Variants in SH3D19 observed in about 807,000 individuals in gnomAD.
SH3D19 encodes the protein SH3 domain-containing protein 19.
SH3D19 carries 58 observed loss-of-function variants against 112.1 expected under a neutral mutation model. The observed-to-expected ratio is 0.52, with a 90% CI of 0.42 to 0.64. SH3D19 has a LOEUF of 0.64. Ranked by LOEUF, SH3D19 falls within the 30% of genes least tolerant of loss-of-function variation. The pLI, the probability that SH3D19 is intolerant of heterozygous loss-of-function variation, is 0.00. For synonymous variants in SH3D19, 391 were observed against 448.5 expected (o/e 0.87, Z 1.62); for missense variants, 1,090 against 1,263.4 (o/e 0.86, Z 2.08).
intron 9 of SH3D19, among the ~76,000 whole-genome samples, chr4:151,157,634 C>T (rs1041885948): frequency 1.5e-4 from 23 of 152,160 alleles, no homozygotes; most frequent in Non-Finnish European, 1.8e-4. Flanking sequence ...GACATCTGCA[C>T]ATCCATGTTT....
In SH3D19 at chr4:151,277,437, C is replaced by T. The variant is rs773193067; in HGVS notation, c.112+47804G>A. Among the ~76,000 whole-genome samples the T allele has an allele frequency of 3.2e-4, 49 of 152,210 alleles. 1 individual carries two copies. Among genetic ancestry groups the T allele is most frequent in the Middle Eastern group, 3.4e-3 (1 of 294 alleles). ...CACACACCCACAAGATCCCTATCTT[C>T]GTGGGACTTATAATCAATGCACATA... On this transcript the variant is annotated intron_variant, in intron 1 of 19. Transcript: ENST00000604030.
chr4:151,155,193 A>G (rs1007091458), intron 9 of SH3D19, among the ~76,000 whole-genome samples: 6 of 152,258 alleles, frequency 3.9e-5, no homozygotes, highest in Non-Finnish European at 8.8e-5. Context: ...TCAGAGTAGA[A>G]GCCAACCTTC....
intron 2 of SH3D19, among the ~76,000 whole-genome samples, chr4:151,222,957 G>A (rs937906655): frequency 2.7e-5 from 4 of 149,486 alleles, no homozygotes; most frequent in Non-Finnish European, 4.4e-5. Context: ...GTGAGCCAAC[G>A]CGCCCGGCCT....
chr4:151,144,297 T>G (rs750740822), intron 11 of SH3D19: 7 of 1,612,598 alleles, frequency 4.3e-6, no homozygotes, highest in Non-Finnish European at 5.9e-6. Flanking sequence ...AGCTTAAACG[T>G]AAACCAATAA....
chr4:151,230,147 T>A (rs1015566774), intron 1 of SH3D19, among the ~76,000 whole-genome samples: 1 of 152,184 alleles, frequency 6.6e-6, no homozygotes, highest in Non-Finnish European at 1.5e-5. Context: ...TTCTATGTAA[T>A]CTAGACATAT....
In SH3D19 at chr4:151,325,398, C is replaced by T. The variant is rs1054427118; in HGVS notation, c.-46G>A. The T allele has an allele frequency of 9.6e-7, 1 of 1,036,982 alleles. No homozygotes were observed. The highest frequency in any genetic ancestry group is 1.7e-5 in the African/African-American group (1 of 59,740). The allele number at this position is 1,036,982 out of a possible 1,614,324, so 64.2% of individuals were successfully genotyped here. A position where few individuals can be genotyped will look rare whatever the true frequency, so the allele number is the denominator to read the frequency against. ...CCGCGGGATGGCCAGCGAGCTGCGG[C>T]CCCGGCGCCCCAGAACGCCTGCACC... On this transcript the variant is annotated 5_prime_UTR_variant, in exon 1 of 20. Coordinates refer to ENST00000604030, the MANE Select transcript of SH3D19 (RefSeq NM_001378122.1).
At chr4:151,159,486 G>A in intron 8 of SH3D19, 134 bp from the exon 9 acceptor site, 1 of 603,304 alleles carries the variant, frequency 1.7e-6, no homozygotes, top group Non-Finnish European at 2.9e-6. Flanking sequence ...AAATGAGAAA[G>A]AGCTCCCAGC....
intron 1 of SH3D19, among the ~76,000 whole-genome samples, chr4:151,281,738 T>A (rs995310506): frequency 1.6e-4 from 25 of 152,156 alleles, no homozygotes; most frequent in African/African-American, 6.0e-4. Context: ...TAACTGTGTA[T>A]ATGTGTAACT....
At chr4:151,147,389 A>T (rs1217314052) in intron 11 of SH3D19, among the ~76,000 whole-genome samples, 1 of 150,950 alleles carries the variant, frequency 6.6e-6, no homozygotes, top group Non-Finnish European at 1.5e-5. Flanking sequence ...GCAAGTTACA[A>T]GCGGCCTGCC....
At chr4:151,199,035 T>C (rs1427217114) in intron 2 of SH3D19, among the ~76,000 whole-genome samples, 1 of 121,180 alleles carries the variant, frequency 8.3e-6, no homozygotes, top group African/African-American at 2.9e-5. Flanking sequence ...TTTTTTTTTT[T>C]GCAAAGCCAC....
At chr4:151,132,990 T>C (rs1408822473) in intron 16 of SH3D19, 44 bp downstream of exon 16, 1 of 1,483,542 alleles carries the variant, frequency 6.7e-7, no homozygotes, top group African/African-American at 1.4e-5. Context: ...TTTGGTTTAT[T>C]TGAATTAGGA....
chr4:151,305,693 G>A (rs1242529574), intron 1 of SH3D19, among the ~76,000 whole-genome samples: 1 of 152,202 alleles, frequency 6.6e-6, no homozygotes, highest in East Asian at 1.9e-4. Context: ...TGGTGAGAAT[G>A]CAGAACAATG....
At chr4:151,310,210 CAAAAAAAA>C (rs1207145608) in intron 1 of SH3D19, among the ~76,000 whole-genome samples, 11 of 100,336 alleles carry the variant, frequency 1.1e-4, no homozygotes, top group East Asian at 3.1e-4. Flanking sequence ...TCTGTCTTTA[CAAAAAAAA>C]AAAAAAAAAA....
intron 1 of SH3D19, among the ~76,000 whole-genome samples, chr4:151,315,968 A>T (rs1180433350): frequency 6.6e-6 from 1 of 152,128 alleles, no homozygotes; most frequent in Admixed American, 6.5e-5. Flanking sequence ...TTTTAAAAAA[A>T]TTTCTTTTGA....
intron 1 of SH3D19, among the ~76,000 whole-genome samples, chr4:151,294,840 A>G (rs1775590920): frequency 1.3e-5 from 2 of 152,204 alleles, no homozygotes. Context: ...AAAATAAGAG[A>G]AGCAGATAAG....
intron 1 of SH3D19, among the ~76,000 whole-genome samples, chr4:151,237,812 G>A (rs747498068): frequency 1.3e-5 from 2 of 152,026 alleles, no homozygotes; most frequent in Non-Finnish European, 2.9e-5. Context: ...ATCCTTTGTC[G>A]AACAGGGATT....
At chr4:151,197,762 G>A (rs1763691399) in intron 2 of SH3D19, among the ~76,000 whole-genome samples, 2 of 152,084 alleles carry the variant, frequency 1.3e-5, no homozygotes, top group Non-Finnish European at 2.9e-5. Flanking sequence ...ACTAATAAGG[G>A]ATAATAGTGG....
intron 1 of SH3D19, among the ~76,000 whole-genome samples, chr4:151,263,049 T>G (rs932115310): frequency 6.6e-6 from 1 of 152,210 alleles, no homozygotes; most frequent in Non-Finnish European, 1.5e-5. Context: ...AGACAGATTT[T>G]GAAGAGTCAG....
At chr4:151,321,021 A>G (rs1336779418) in intron 1 of SH3D19, among the ~76,000 whole-genome samples, 1 of 152,218 alleles carries the variant, frequency 6.6e-6, no homozygotes, top group African/African-American at 2.4e-5. Context: ...AGCCTGGGCA[A>G]CAGAGCAAGA....
Sources: gnomAD v4.1 joint callset for allele counts (sites outside exome capture counted in the v4.1 genomes callset) on GRCh38, gnomAD v4.1.1 for gene constraint, MANE v1.5 for transcripts, NCBI Gene and HGNC (gene_info 2026-07-23, HGNC 2026-07-21) for gene names.